LRRC37A: variants seen among roughly 807,000 people sequenced by gnomAD.
LRRC37A encodes the protein leucine-rich repeat-containing protein 37A.
Under a neutral mutation model 35.4 loss-of-function variants are expected in LRRC37A, and 3 were observed. The observed-to-expected ratio is 0.08, with a 90% CI of 0.04 to 0.22. LRRC37A has a LOEUF of 0.22. LRRC37A is among the 10% of genes least tolerant of loss of function. The pLI is 1.00. For synonymous variants in LRRC37A, 23 were observed against 215.0 expected (o/e 0.11, Z 7.81); for missense variants, 67 against 565.3 (o/e 0.12, Z 8.94).
At chr17:46,325,024 T>C (rs539647121) in intron 7 of LRRC37A, among the ~76,000 whole-genome samples, 1 of 76,306 alleles carries the variant, frequency 1.3e-5, no homozygotes, top group South Asian at 5.6e-4. Context: ...AAGATTAGCA[T>C]GGAAAGGGCC....
chr17:46,259,646 C>T, the LRRC37A span: 1 of 1,607,304 alleles, frequency 6.2e-7, no homozygotes. Flanking sequence ...GACACAGCAT[C>T]CTTGGCCACC....
chr17:46,258,541 A>G, the LRRC37A span, among the ~76,000 whole-genome samples: 1 of 152,024 alleles, frequency 6.6e-6, no homozygotes, highest in Admixed American at 6.5e-5. Flanking sequence ...TGTTTATAGT[A>G]GCACTATTCA....
the LRRC37A span, among the ~76,000 whole-genome samples, chr17:46,275,781 G>A: frequency 6.6e-6 from 1 of 152,170 alleles, no homozygotes; most frequent in Non-Finnish European, 1.5e-5. Context: ...TTACACGGAT[G>A]AGGGGAATAT....
chr17:46,259,652 C>T, the LRRC37A span: 1 of 1,608,142 alleles, frequency 6.2e-7, no homozygotes. Flanking sequence ...GCATCCTTGG[C>T]CACCTCATGC....
At chr17:46,262,807 G>C in the LRRC37A span, among the ~76,000 whole-genome samples, 1 of 149,824 alleles carries the variant, frequency 6.7e-6, no homozygotes, top group African/African-American at 2.4e-5. Flanking sequence ...AAAAAGAAAA[G>C]AAAAGAAAAA....
the LRRC37A span, among the ~76,000 whole-genome samples, chr17:46,249,697 G>C: frequency 6.6e-6 from 1 of 152,200 alleles, no homozygotes; most frequent in Non-Finnish European, 1.5e-5. Flanking sequence ...GGGAGCTGTA[G>C]GACCAGGTTT....
upstream of LRRC37A, among the ~76,000 whole-genome samples, chr17:46,290,041 C>T (rs539267649): frequency 5.9e-5 from 9 of 152,262 alleles, no homozygotes; most frequent in Non-Finnish European, 1.2e-4. Flanking sequence ...CTCCTTTAAG[C>T]CTGAGAGGTG....
At chr17:46,255,107 A>G in the LRRC37A span, among the ~76,000 whole-genome samples, 1 of 151,988 alleles carries the variant, frequency 6.6e-6, no homozygotes, top group Non-Finnish European at 1.5e-5. Context: ...AAGTGCTGGG[A>G]TTATAGGTGT....
chr17:46,287,207 G>A, the LRRC37A span, among the ~76,000 whole-genome samples: 8,906 of 135,804 alleles, frequency 0.066, no homozygotes, highest in Middle Eastern at 0.12. Flanking sequence ...TGAAATATGG[G>A]TCTTTAAAAA....
the LRRC37A span, among the ~76,000 whole-genome samples, chr17:46,286,130 T>C: frequency 1.3e-5 from 2 of 152,242 alleles, no homozygotes; most frequent in Non-Finnish European, 2.9e-5. Context: ...TCAAAACAGA[T>C]GGGATGATGT....
the LRRC37A span, among the ~76,000 whole-genome samples, chr17:46,251,258 CTTT>C: frequency 2.1e-5 from 3 of 140,574 alleles, no homozygotes. Context: ...TGCTTAACAT[CTTT>C]TTTTTTTTTT....
the LRRC37A span, among the ~76,000 whole-genome samples, chr17:46,265,785 G>A: frequency 6.6e-6 from 1 of 152,200 alleles, no homozygotes; most frequent in South Asian, 2.1e-4. Flanking sequence ...GCCTCAACAG[G>A]CAACCTTCTG....
chr17:46,276,306 C>T, the LRRC37A span, among the ~76,000 whole-genome samples: 1 of 152,180 alleles, frequency 6.6e-6, no homozygotes, highest in Non-Finnish European at 1.5e-5. Flanking sequence ...TACAGTATTC[C>T]AATAGTTTAC....
chr17:46,265,533 C>T, the LRRC37A span, among the ~76,000 whole-genome samples: 2 of 151,256 alleles, frequency 1.3e-5, no homozygotes, highest in Middle Eastern at 3.4e-3. Context: ...GGCTGGAGTG[C>T]AGTGGCACGA....
At chr17:46,282,936 C>G in the LRRC37A span, among the ~76,000 whole-genome samples, 1 of 150,350 alleles carries the variant, frequency 6.7e-6, no homozygotes. Flanking sequence ...CTGGCCAACA[C>G]AGTGAAACCT....
At chr17:46,249,706 T>A in the LRRC37A span, among the ~76,000 whole-genome samples, 2 of 152,150 alleles carry the variant, frequency 1.3e-5, no homozygotes. Context: ...AGGACCAGGT[T>A]TGGGAACCTG....
At chr17:46,271,970 C>T in the LRRC37A span, among the ~76,000 whole-genome samples, 1 of 152,242 alleles carries the variant, frequency 6.6e-6, no homozygotes, top group Non-Finnish European at 1.5e-5. Flanking sequence ...CCATGTTGGT[C>T]AGGCAGGTCT....
chr17:46,278,401 G>GT, the LRRC37A span, among the ~76,000 whole-genome samples: 1,301 of 129,512 alleles, frequency 0.01, 17 homozygotes, highest in East Asian at 0.034. Context: ...GTTTTATTTT[G>GT]TTTTTTTTTT....
At chr17:46,275,120 G>A in the LRRC37A span, 20 of 234,668 alleles carry the variant, frequency 8.5e-5, no homozygotes, top group Admixed American at 3.5e-4. Context: ...TCGAACTCCC[G>A]ACCTCAGATG....
Sources: allele counts gnomAD v4.1 joint callset (sites outside exome capture counted in the v4.1 genomes callset), GRCh38; gene constraint gnomAD v4.1.1; transcripts MANE v1.5; gene names NCBI Gene and HGNC (gene_info 2026-07-23, HGNC 2026-07-21).